Variants in PLCE1 observed in about 807,000 individuals in gnomAD.
PLCE1 encodes the protein phospholipase C epsilon 1.
A neutral mutation model predicts 242.8 loss-of-function variants in PLCE1; 119 were observed. The observed-to-expected ratio is 0.49, with a 90% CI of 0.42 to 0.57. PLCE1 has a LOEUF of 0.57. Among genes scored for constraint, PLCE1 ranks in the 20% least tolerant of loss-of-function variants. The pLI is 0.00. For synonymous variants in PLCE1, 945 were observed against 1,017.4 expected, an observed-to-expected ratio of 0.93 and a Z score of 1.35; for missense variants, 2,441 against 2,788.8, an observed-to-expected ratio of 0.88 and a Z score of 2.81.
At chr10:94,211,715 T>G (rs906209808) in intron 4 of PLCE1, among the ~76,000 whole-genome samples, 7 of 152,220 alleles carry the variant, frequency 4.6e-5, no homozygotes, top group African/African-American at 1.7e-4. Flanking sequence ...GACATATTGA[T>G]TCTGGATTTA....
intron 2 of PLCE1, among the ~76,000 whole-genome samples, chr10:94,068,922 G>A (rs537857312): frequency 9.2e-5 from 14 of 152,310 alleles, no homozygotes; most frequent in East Asian, 3.9e-4. Flanking sequence ...AGGACAGGAC[G>A]GTATTTTATT....
intron 3 of PLCE1, among the ~76,000 whole-genome samples, chr10:94,164,820 A>T (rs1222557150): frequency 6.6e-6 from 1 of 151,800 alleles, no homozygotes; most frequent in Admixed American, 6.6e-5. Context: ...TTTGATGTGG[A>T]TGTCCTTTCT....
chr10:94,268,363 G>A (rs989008007), intron 16 of PLCE1, among the ~76,000 whole-genome samples: 2 of 152,194 alleles, frequency 1.3e-5, no homozygotes, highest in African/African-American at 4.8e-5. Flanking sequence ...TTGCTATTCT[G>A]GAATTAGATA....
chr10:94,275,984 G>T (rs1472120504), intron 19 of PLCE1, among the ~76,000 whole-genome samples: 7 of 152,136 alleles, frequency 4.6e-5, no homozygotes, highest in Non-Finnish European at 8.8e-5. Flanking sequence ...TTGTATATGG[G>T]AGCCTCACAT....
At chr10:94,300,767 A>T (rs1589503381) in intron 24 of PLCE1, among the ~76,000 whole-genome samples, 1 of 152,206 alleles carries the variant, frequency 6.6e-6, no homozygotes, top group East Asian at 1.9e-4. Context: ...GCAAATTCAA[A>T]CAGATAGATA....
intron 7 of PLCE1, among the ~76,000 whole-genome samples, chr10:94,238,487 C>CA (rs2050395777): frequency 6.6e-6 from 1 of 152,162 alleles, no homozygotes; most frequent in African/African-American, 2.4e-5. Flanking sequence ...ATGCTTAAGG[C>CA]ATTTCTTTTG....
chr10:94,297,942 C>A (rs1426904709), intron 23 of PLCE1, among the ~76,000 whole-genome samples: 1 of 152,130 alleles, frequency 6.6e-6, no homozygotes, highest in African/African-American at 2.4e-5. Flanking sequence ...ATACCACAAC[C>A]CAAATGAAGT....
intron 13 of PLCE1, among the ~76,000 whole-genome samples, chr10:94,260,239 C>T (rs1312835154): frequency 2.6e-5 from 4 of 152,140 alleles, no homozygotes; most frequent in African/African-American, 7.2e-5. Flanking sequence ...GAGTCTTTAG[C>T]GCCTTCCACA....
rs752440477 is a variant in PLCE1, at chr10:94,171,382, T to G, written c.1695T>G (p.Thr565=). The G allele has an allele frequency of 6.2e-7, 1 of 1,614,166 alleles. No individual in the cohort carries two copies. Among genetic ancestry groups the G allele is most frequent in the Non-Finnish European group, 8.5e-7 (1 of 1,180,004 alleles). ...GCTTCTTAACACGGGACTTGGGCAC[T>G]CCTGAATGCCAGAGCTCCTTGCCCT... ...YLCFLTRDLG[T]PECQSSLPCL... is the part of the protein sequence containing the mutation. The change falls in exon 4 of 33, where the codon ACT becomes ACG. Residue 565 remains threonine, a synonymous_variant. Transcript: ENST00000371380.
intron 1 of PLCE1, among the ~76,000 whole-genome samples, chr10:94,028,730 C>T (rs1243813812): frequency 1.3e-5 from 2 of 152,118 alleles, no homozygotes; most frequent in Non-Finnish European, 2.9e-5. Flanking sequence ...GGGAGGATCG[C>T]TTGAGCCCAG....
rs530835789 is a variant in PLCE1, at chr10:94,181,578, AAAAATAAAAT to A, written c.1809+10102_1809+10111del. Among the ~76,000 whole-genome samples the A allele has an allele frequency of 1.3e-3, 191 of 152,050 alleles. 1 individual carries two copies. The highest frequency in any genetic ancestry group is 2.1e-3 in the South Asian group (10 of 4,800). ...GTGACAGAGCAAGACTCTGTCTCAA[AAAAATAAAAT>A]AAAATAAAATAAAATAAAAAGATAA... On this transcript the variant is annotated intron_variant, in intron 4 of 32. Coordinates refer to ENST00000371380, the MANE Select transcript of PLCE1 (RefSeq NM_016341.4).
Position 94,146,729 on chromosome 10 carries a change from C to T in PLCE1, c.1492+14270C>T, listed in dbSNP as rs145481974. On this transcript the variant is annotated intron_variant, in intron 3 of 32. Coordinates refer to ENST00000371380, the MANE Select transcript of PLCE1 (RefSeq NM_016341.4). ...CGAGTGGGTTAATGTCTTCTTTCGG[C>T]TGCCTAGCTCAAGATGGGGCTTTAT... Among the ~76,000 whole-genome samples, 400 of 152,346 alleles carry T rather than the reference C, an allele frequency of 2.6e-3. 1 individual carries two copies. Among genetic ancestry groups the T allele is most frequent in the African/African-American group, 8.5e-3 (354 of 41,592 alleles).
intron 28 of PLCE1, among the ~76,000 whole-genome samples, chr10:94,316,199 C>A (rs560651563): frequency 6.6e-6 from 1 of 152,172 alleles, no homozygotes. Context: ...TTAGTAAATA[C>A]TAAACTAGGT....
intron 1 of PLCE1, among the ~76,000 whole-genome samples, chr10:94,010,504 C>G (rs2061148400): frequency 6.6e-6 from 1 of 152,210 alleles, no homozygotes; most frequent in South Asian, 2.1e-4. Context: ...TGAAAACAGG[C>G]TTTTCTTCTC....
intron 4 of PLCE1, among the ~76,000 whole-genome samples, chr10:94,213,570 C>T (rs1172376979): frequency 1.3e-5 from 2 of 152,156 alleles, no homozygotes; most frequent in East Asian, 1.9e-4. Flanking sequence ...CCTTCACTGC[C>T]AACTTTCCTT....
intron 3 of PLCE1, among the ~76,000 whole-genome samples, chr10:94,132,775 A>C (rs529884147): frequency 2.0e-5 from 3 of 151,992 alleles, no homozygotes; most frequent in African/African-American, 7.2e-5. Context: ...ACGGTGGAAC[A>C]CCATCTCTAC....
At chr10:94,184,908 G>C (rs2048425295) in intron 4 of PLCE1, among the ~76,000 whole-genome samples, 1 of 151,524 alleles carries the variant, frequency 6.6e-6, no homozygotes, top group Admixed American at 6.6e-5. Context: ...CTATATCTCT[G>C]GTTTTTATGC....
intron 1 of PLCE1, among the ~76,000 whole-genome samples, chr10:94,005,809 C>T (rs2061024503): frequency 6.6e-6 from 1 of 152,226 alleles, no homozygotes; most frequent in African/African-American, 2.4e-5. Flanking sequence ...CTGAAGGCCT[C>T]ACCTTCCCAG....
At chr10:94,120,044 C>T (rs535030022) in intron 2 of PLCE1, among the ~76,000 whole-genome samples, 19 of 152,262 alleles carry the variant, frequency 1.2e-4, no homozygotes, top group African/African-American at 4.6e-4. Flanking sequence ...TTAGGACCTC[C>T]CAGGGCCTGC....
Sources: allele counts gnomAD v4.1 joint callset (sites outside exome capture counted in the v4.1 genomes callset), GRCh38; gene constraint gnomAD v4.1.1; transcripts MANE v1.5; gene names NCBI Gene and HGNC (gene_info 2026-07-23, HGNC 2026-07-21).